EXOC4: variants seen among roughly 807,000 people sequenced by gnomAD.
EXOC4 encodes the protein exocyst complex component 4, also known as SEC8-like 1.
Under a neutral mutation model 107.2 loss-of-function variants are expected in EXOC4, and 71 were observed. That is an observed-to-expected ratio of 0.66 (90% CI 0.55 to 0.81). EXOC4 has a LOEUF of 0.81. Ranked by LOEUF, EXOC4 falls within the 30% of genes least tolerant of loss-of-function variation. The pLI, the probability that EXOC4 is intolerant of heterozygous loss-of-function variation, is 0.00. For synonymous variants in EXOC4, 456 were observed against 441.2 expected, an observed-to-expected ratio of 1.03 and a Z score of -0.42; for missense variants, 1,108 against 1,189.6, an observed-to-expected ratio of 0.93 and a Z score of 1.01.
intron 10 of EXOC4, among the ~76,000 whole-genome samples, chr7:133,799,685 A>G (rs1336488502): frequency 6.6e-6 from 1 of 152,206 alleles, no homozygotes; most frequent in African/African-American, 2.4e-5. Flanking sequence ...CATGAGATGG[A>G]AGTAAAAGCC....
At chr7:133,565,061 A>C (rs986924633) in intron 9 of EXOC4, among the ~76,000 whole-genome samples, 7 of 152,322 alleles carry the variant, frequency 4.6e-5, no homozygotes, top group Non-Finnish European at 8.8e-5. Context: ...TAGAGTTAGA[A>C]TTAGAATCCC....
At chr7:133,791,768 T>C (rs138352177) in intron 10 of EXOC4, among the ~76,000 whole-genome samples, 2 of 152,198 alleles carry the variant, frequency 1.3e-5, no homozygotes, top group African/African-American at 4.8e-5. Context: ...TATTGGCCCA[T>C]GGTCTTCCCA....
intron 7 of EXOC4, among the ~76,000 whole-genome samples, chr7:133,427,701 T>G (rs1264424381): frequency 6.6e-6 from 1 of 152,196 alleles, no homozygotes; most frequent in African/African-American, 2.4e-5. Flanking sequence ...TGAACTCTCT[T>G]TGCCGGTTTT....
intron 7 of EXOC4, among the ~76,000 whole-genome samples, chr7:133,429,960 C>T (rs1161407551): frequency 6.6e-6 from 1 of 152,154 alleles, no homozygotes; most frequent in Non-Finnish European, 1.5e-5. Flanking sequence ...GGGCTCCAGC[C>T]CCATGGCAGT....
chr7:133,545,752 A>G (rs1360088538), intron 9 of EXOC4, among the ~76,000 whole-genome samples: 5 of 152,066 alleles, frequency 3.3e-5, no homozygotes, highest in South Asian at 4.1e-4. Flanking sequence ...GTCTATATCT[A>G]TTGCTTAAAT....
intron 9 of EXOC4, among the ~76,000 whole-genome samples, chr7:133,552,850 T>G (rs752185417): frequency 2.0e-5 from 3 of 152,164 alleles, no homozygotes; most frequent in Non-Finnish European, 4.4e-5. Context: ...ATTTTACCCA[T>G]TAATGTGTAT....
At chr7:133,339,267 C>T (rs1192183940) in intron 5 of EXOC4, among the ~76,000 whole-genome samples, 1 of 151,836 alleles carries the variant, frequency 6.6e-6, no homozygotes, top group African/African-American at 2.4e-5. Flanking sequence ...AATAGGGTGT[C>T]CTTTCTCTGC....
chr7:133,725,532 C>T (rs1280135290), intron 10 of EXOC4, among the ~76,000 whole-genome samples: 1 of 152,136 alleles, frequency 6.6e-6, no homozygotes, highest in Non-Finnish European at 1.5e-5. Flanking sequence ...CCCACCACCA[C>T]ATCCAGCTAA....
chr7:133,629,468 G>A (rs1026020348), intron 9 of EXOC4, among the ~76,000 whole-genome samples: 5 of 152,034 alleles, frequency 3.3e-5, no homozygotes, highest in Admixed American at 6.6e-5. Context: ...TTTAAATGTC[G>A]CATTTATTCT....
At chr7:133,674,478 G>A (rs1373275352) in intron 10 of EXOC4, among the ~76,000 whole-genome samples, 1 of 152,138 alleles carries the variant, frequency 6.6e-6, no homozygotes, top group Non-Finnish European at 1.5e-5. Flanking sequence ...ATATAAAAAT[G>A]ATAGATTACC....
chr7:133,712,877 T>A (rs1432778724), intron 10 of EXOC4, among the ~76,000 whole-genome samples: 2 of 152,226 alleles, frequency 1.3e-5, no homozygotes, highest in Non-Finnish European at 2.9e-5. Context: ...ATTATATGGT[T>A]CAATCTATAT....
At chr7:134,018,548 C>T (rs1043905690) in intron 17 of EXOC4, among the ~76,000 whole-genome samples, 6 of 152,298 alleles carry the variant, frequency 3.9e-5, no homozygotes, top group African/African-American at 9.6e-5. Context: ...GCCAGCACTC[C>T]GCTCAAGGAC....
chr7:133,788,499 CT>C (rs899700019), intron 10 of EXOC4, among the ~76,000 whole-genome samples: 5 of 151,040 alleles, frequency 3.3e-5, no homozygotes, highest in Admixed American at 2.6e-4. Flanking sequence ...AAACTTCTCT[CT>C]TTTTTTTTGA....
At chr7:133,677,281 T>C (rs971224434) in intron 10 of EXOC4, among the ~76,000 whole-genome samples, 2 of 152,162 alleles carry the variant, frequency 1.3e-5, no homozygotes, top group African/African-American at 4.8e-5. Context: ...GTCTTTGTCA[T>C]TCCATAAGCC....
intron 11 of EXOC4, among the ~76,000 whole-genome samples, chr7:133,883,042 C>A (rs941298998): frequency 6.6e-6 from 1 of 152,168 alleles, no homozygotes; most frequent in Non-Finnish European, 1.5e-5. Flanking sequence ...AATGTCCTCT[C>A]CTTCCCAGTC....
At chr7:133,439,029 T>G (rs530600469) in intron 7 of EXOC4, among the ~76,000 whole-genome samples, 1 of 152,262 alleles carries the variant, frequency 6.6e-6, no homozygotes, top group South Asian at 2.1e-4. Flanking sequence ...TTTGCCTATG[T>G]ATGTATATGT....
chr7:133,764,571 T>C (rs1034585261), intron 10 of EXOC4, among the ~76,000 whole-genome samples: 1 of 152,070 alleles, frequency 6.6e-6, no homozygotes, highest in Non-Finnish European at 1.5e-5. Flanking sequence ...TCAAAAACTT[T>C]CTAATCCCAG....
At chr7:133,827,079 A>G (rs1242193241) in intron 11 of EXOC4, among the ~76,000 whole-genome samples, 1 of 152,194 alleles carries the variant, frequency 6.6e-6, no homozygotes, top group Non-Finnish European at 1.5e-5. Flanking sequence ...TAGTTGCTTC[A>G]AAAGAGTATT....
intron 9 of EXOC4, among the ~76,000 whole-genome samples, chr7:133,498,398 A>T (rs1179850545): frequency 6.6e-6 from 1 of 152,140 alleles, no homozygotes; most frequent in Non-Finnish European, 1.5e-5. Context: ...ATCCTGGCTA[A>T]CACGGTGAAA....
Sources: gnomAD v4.1 joint callset for allele counts (sites outside exome capture counted in the v4.1 genomes callset) on GRCh38, gnomAD v4.1.1 for gene constraint, MANE v1.5 for transcripts, NCBI Gene and HGNC (gene_info 2026-07-23, HGNC 2026-07-21) for gene names.